Variants in CACNA2D1 observed in about 807,000 individuals in gnomAD.
CACNA2D1 encodes the protein voltage-dependent calcium channel subunit alpha-2/delta-1.
In CACNA2D1, 53 loss-of-function variants were observed where a neutral mutation model predicts 171.5. The observed-to-expected ratio is 0.31, with a 90% CI of 0.25 to 0.39. The LOEUF is 0.39. CACNA2D1 is among the 10% of genes least tolerant of loss of function. CACNA2D1 has a pLI of 1.00. For missense variants in CACNA2D1, 903 were observed against 1,299.8 expected, an observed-to-expected ratio of 0.69 and a Z score of 4.69; for synonymous variants, 442 against 443.1, an observed-to-expected ratio of 1.00 and a Z score of 0.03.
chr7:82,398,665 AC>A (rs899797836), intron 1 of CACNA2D1, among the ~76,000 whole-genome samples: 1 of 151,146 alleles, frequency 6.6e-6, no homozygotes, highest in African/African-American at 2.4e-5. Context: ...GCAGCCTCAA[AC>A]CCCTTTGCTA....
rs1401502849 is a variant in CACNA2D1, at chr7:82,029,409, A to G, written c.1143+3388T>C. The G allele has an allele frequency of 3.3e-5, 5 of 151,798 alleles. No homozygotes were observed. The Middle Eastern group carries it at 0.01, about 310-fold the overall frequency. 9.4% of individuals were successfully genotyped at this position (151,798 alleles called of 1,614,324 possible). ...CTCACTTAATTGCAATTTTCACTCT[A>G]TTGTGGTTGTGGTGATCTGGAACCA... On this transcript the variant is annotated intron_variant, in intron 12 of 38. Coordinates refer to ENST00000356860, the MANE Select transcript of CACNA2D1 (RefSeq NM_000722.4).
At position 82,111,248 on chromosome 7, in the gene CACNA2D1, T is replaced by G. The variant is rs998447682; in HGVS notation, c.526+5796A>C. On this transcript the variant is annotated intron_variant, in intron 6 of 38. Transcript: ENST00000356860. ...GCTATTTTCCTAGTTATGATGAACT[T>G]TTCCTTGATATATATATATACACAC... Among the ~76,000 whole-genome samples, 21 of 147,062 alleles carry G rather than the reference T, an allele frequency of 1.4e-4. No individual in the cohort carries two copies. The East Asian group carries it at 4.2e-3, about 29-fold the overall frequency.
intron 3 of CACNA2D1, among the ~76,000 whole-genome samples, chr7:82,198,105 AAAC>A (rs141226702): frequency 0.063 from 9,582 of 152,084 alleles, 677 homozygotes; most frequent in East Asian, 0.2. Flanking sequence ...TATAAAACAA[AAAC>A]AACAATAAAT....
intron 1 of CACNA2D1, among the ~76,000 whole-genome samples, chr7:82,394,163 C>A (rs959534260): frequency 3.3e-5 from 5 of 152,024 alleles, no homozygotes; most frequent in Non-Finnish European, 1.5e-5. Context: ...GGGGAGGGGT[C>A]AAGGAGGGCT....
chr7:81,972,213 TTA>T (rs1028618152), intron 25 of CACNA2D1, among the ~76,000 whole-genome samples: 9 of 151,470 alleles, frequency 5.9e-5, no homozygotes, highest in African/African-American at 2.2e-4. Context: ...CATCATAATT[TTA>T]TGACAATTTA....
At chr7:82,138,236 A>G (rs1442477697) in intron 4 of CACNA2D1, among the ~76,000 whole-genome samples, 1 of 152,120 alleles carries the variant, frequency 6.6e-6, no homozygotes, top group Non-Finnish European at 1.5e-5. Context: ...CTCCATGAAG[A>G]CCAAACAAAC....
chr7:82,377,531 A>T (rs988015230), intron 1 of CACNA2D1, among the ~76,000 whole-genome samples: 1 of 152,136 alleles, frequency 6.6e-6, no homozygotes, highest in Non-Finnish European at 1.5e-5. Context: ...TTTCTGGGTC[A>T]AGGTATACTC....
chr7:82,044,451 G>GTAA (rs1804313413), intron 10 of CACNA2D1, among the ~76,000 whole-genome samples: 2 of 152,272 alleles, frequency 1.3e-5, no homozygotes, highest in Admixed American at 1.3e-4. Flanking sequence ...CTCAAGCCAT[G>GTAA]TAATCATCAG....
chr7:82,443,952 A>C (rs1830702472), upstream of CACNA2D1, among the ~76,000 whole-genome samples: 1 of 151,100 alleles, frequency 6.6e-6, no homozygotes, highest in Non-Finnish European at 1.5e-5. Flanking sequence ...CTTCTTAGGC[A>C]AGTCAGAGGG....
intron 3 of CACNA2D1, among the ~76,000 whole-genome samples, chr7:82,267,889 C>T (rs888201968): frequency 5.3e-5 from 8 of 152,010 alleles, no homozygotes; most frequent in South Asian, 4.2e-4. Flanking sequence ...CTCAGCTACT[C>T]GGGAGCCTGA....
At position 82,370,548 on chromosome 7, in the gene CACNA2D1, G is replaced by GGGAT. The variant is rs372328517; in HGVS notation, c.96-20903_96-20900dup. 3.0e-3 allele frequency among the ~76,000 whole-genome samples: 221 copies of GGGAT among 73,100 alleles called. 1 individual carries two copies. The highest frequency in any genetic ancestry group is 0.011 in the Middle Eastern group (1 of 94). 48.0% of individuals were successfully genotyped at this position (73,100 alleles called of 152,430 possible). A position where few individuals can be genotyped will look rare whatever the true frequency, so the allele number is the denominator to read the frequency against. On this transcript the variant is annotated intron_variant, in intron 1 of 38. Coordinates refer to ENST00000356860, the MANE Select transcript of CACNA2D1 (RefSeq NM_000722.4). ...AAACTGGAAGAGATAGGTAAATGGA[G>GGGAT]GGATGGATGGATGGATGGATGGATG... is the stretch of plus-strand genomic sequence containing the variant.
At chr7:81,991,386 T>G (rs1797525210) in intron 20 of CACNA2D1, 140 bp from the exon 21 acceptor site, 2 of 516,944 alleles carry the variant, frequency 3.9e-6, no homozygotes, top group South Asian at 6.9e-5. Flanking sequence ...TTTTATTCTA[T>G]ATTTATTTAT....
intron 17 of CACNA2D1, 86 bp from the exon 18 acceptor site, chr7:82,005,583 TAC>T: frequency 1.1e-6 from 1 of 909,554 alleles, no homozygotes; most frequent in East Asian, 2.6e-5. Flanking sequence ...ATGTATTAAA[TAC>T]ACATTGTATA....
At chr7:82,212,172 C>T (rs1408081695) in intron 3 of CACNA2D1, among the ~76,000 whole-genome samples, 4 of 152,140 alleles carry the variant, frequency 2.6e-5, no homozygotes, top group Non-Finnish European at 2.9e-5. Flanking sequence ...CTAATCAACA[C>T]TCTATCATCT....
At chr7:82,275,057 T>C (rs1488377016) in intron 3 of CACNA2D1, among the ~76,000 whole-genome samples, 1 of 152,188 alleles carries the variant, frequency 6.6e-6, no homozygotes, top group African/African-American at 2.4e-5. Flanking sequence ...CAATCTCATA[T>C]GCAAGCACTA....
intron 1 of CACNA2D1, among the ~76,000 whole-genome samples, chr7:82,371,818 T>C (rs1030526014): frequency 2.0e-5 from 3 of 152,108 alleles, no homozygotes; most frequent in Middle Eastern, 6.4e-3. Context: ...TCAGGTGATC[T>C]GCCTGCAAAG....
intron 1 of CACNA2D1, among the ~76,000 whole-genome samples, chr7:82,439,518 T>C (rs1368553302): frequency 1.3e-5 from 2 of 151,658 alleles, no homozygotes; most frequent in African/African-American, 4.8e-5. Context: ...ATGAAAGCCA[T>C]GGGAGGGGGA....
intron 10 of CACNA2D1, among the ~76,000 whole-genome samples, chr7:82,055,936 A>ATC (rs2131344215): frequency 7.2e-6 from 1 of 138,202 alleles, no homozygotes; most frequent in African/African-American, 2.7e-5. Context: ...GTGTGTATAT[A>ATC]TATATATATA....
chr7:81,953,064 T>C (rs1285380503), intron 38 of CACNA2D1, among the ~76,000 whole-genome samples: 2 of 152,142 alleles, frequency 1.3e-5, no homozygotes, highest in Middle Eastern at 3.4e-3. Flanking sequence ...TAATTTTTTA[T>C]ATTTTTTGCA....
Sources: gnomAD v4.1 joint callset for allele counts (sites outside exome capture counted in the v4.1 genomes callset) on GRCh38, gnomAD v4.1.1 for gene constraint, MANE v1.5 for transcripts, NCBI Gene and HGNC (gene_info 2026-07-23, HGNC 2026-07-21) for gene names.